CPNE4: variants seen among roughly 807,000 people sequenced by gnomAD.
CPNE4 encodes the protein copine 4, also known as copine-4.
Under a neutral mutation model 67.9 loss-of-function variants are expected in CPNE4, and 25 were observed. The observed-to-expected ratio is 0.37, with a 90% confidence interval of 0.27 to 0.51. The LOEUF is 0.51. Among genes scored for constraint, CPNE4 ranks in the 20% least tolerant of loss-of-function variants. The probability of loss-of-function intolerance (pLI) is 0.93; values close to 1 mark genes in which losing one functional copy is unlikely to be tolerated. For missense variants in CPNE4, 464 were observed against 690.8 expected, an observed-to-expected ratio of 0.67 and a Z score of 3.68; for synonymous variants, 242 against 244.9, an observed-to-expected ratio of 0.99 and a Z score of 0.11.
chr3:131,544,026 G>A (rs1290192481), intron 14 of CPNE4, among the ~76,000 whole-genome samples: 1 of 152,230 alleles, frequency 6.6e-6, no homozygotes, highest in Non-Finnish European at 1.5e-5. Flanking sequence ...CTGGGGCCTG[G>A]AGAAGGATGA....
chr3:131,852,486 C>A (rs2086277790), intron 2 of CPNE4, among the ~76,000 whole-genome samples: 1 of 151,902 alleles, frequency 6.6e-6, no homozygotes, highest in South Asian at 2.1e-4. Context: ...ATGTTAAAAC[C>A]TCTCAGAATA....
intron 10 of CPNE4, among the ~76,000 whole-genome samples, chr3:131,573,672 C>G (rs2107680022): frequency 6.6e-6 from 1 of 152,160 alleles, no homozygotes; most frequent in South Asian, 2.1e-4. Context: ...GAAACTATTT[C>G]CAGTAGCTCT....
intron 2 of CPNE4, among the ~76,000 whole-genome samples, chr3:131,785,497 G>A (rs1456462479): frequency 6.6e-6 from 1 of 152,000 alleles, no homozygotes; most frequent in Non-Finnish European, 1.5e-5. Context: ...AATCTCCAGA[G>A]CTGCTATTTC....
At chr3:131,629,046 A>C (rs1204594810) in intron 7 of CPNE4, among the ~76,000 whole-genome samples, 2 of 152,112 alleles carry the variant, frequency 1.3e-5, no homozygotes, top group Non-Finnish European at 2.9e-5. Flanking sequence ...TAGTGCTATA[A>C]ATTTCCCTCT....
At chr3:131,775,515 G>A (rs140970198) in intron 2 of CPNE4, among the ~76,000 whole-genome samples, 2,007 of 152,210 alleles carry the variant, frequency 0.013, 29 homozygotes, top group Non-Finnish European at 0.017. Flanking sequence ...GAGGGACACA[G>A]TGGGAGGTAA....
At chr3:131,792,646 T>TACATATATACACAC (rs1241049116) in intron 2 of CPNE4, among the ~76,000 whole-genome samples, 13 of 72,940 alleles carry the variant, frequency 1.8e-4, no homozygotes, top group African/African-American at 6.6e-4. Flanking sequence ...CGTGTATATA[T>TACATATATACACAC]GTATATATAC....
intron 1 of CPNE4, among the ~76,000 whole-genome samples, chr3:132,005,456 C>T (rs1255461894): frequency 6.6e-6 from 1 of 151,226 alleles, no homozygotes; most frequent in Non-Finnish European, 1.5e-5. Flanking sequence ...TCTACTAACA[C>T]ATCCTTTTTC....
At chr3:131,845,359 G>A (rs975087962) in intron 2 of CPNE4, among the ~76,000 whole-genome samples, 1 of 152,156 alleles carries the variant, frequency 6.6e-6, no homozygotes, top group African/African-American at 2.4e-5. Flanking sequence ...AAAGATAAAT[G>A]TTTTACCTGA....
chr3:131,641,534 A>T (rs917667550), intron 7 of CPNE4, among the ~76,000 whole-genome samples: 1 of 152,170 alleles, frequency 6.6e-6, no homozygotes, highest in Non-Finnish European at 1.5e-5. Context: ...TGTGGATGCA[A>T]TGAAAAGGGA....
chr3:131,776,693 G>A (rs992722780), intron 2 of CPNE4, among the ~76,000 whole-genome samples: 1 of 152,102 alleles, frequency 6.6e-6, no homozygotes, highest in African/African-American at 2.4e-5. Context: ...TCCAAAACCA[G>A]TATTTTCCCC....
chr3:131,771,708 T>C (rs760754661), intron 2 of CPNE4, among the ~76,000 whole-genome samples: 2 of 152,136 alleles, frequency 1.3e-5, no homozygotes, highest in African/African-American at 2.4e-5. Flanking sequence ...GCCTCAGGTA[T>C]TCCTTTATAG....
At chr3:131,839,963 T>C (rs1246646760) in intron 2 of CPNE4, among the ~76,000 whole-genome samples, 2 of 152,176 alleles carry the variant, frequency 1.3e-5, no homozygotes, top group Non-Finnish European at 2.9e-5. Context: ...CGAGGCAATG[T>C]CAGATGGATG....
chr3:131,869,064 T>C (rs1490060723), intron 2 of CPNE4, among the ~76,000 whole-genome samples: 2 of 152,146 alleles, frequency 1.3e-5, no homozygotes, highest in African/African-American at 2.4e-5. Context: ...AAGCCAAGAC[T>C]TCAAGGGGAA....
At chr3:131,581,248 T>C (rs1330091723) in intron 9 of CPNE4, among the ~76,000 whole-genome samples, 1 of 151,924 alleles carries the variant, frequency 6.6e-6, no homozygotes, top group Non-Finnish European at 1.5e-5. Flanking sequence ...GAAGGGCACA[T>C]AGTAGGTGTT....
At chr3:131,948,492 A>C (rs981742694) in intron 1 of CPNE4, among the ~76,000 whole-genome samples, 10 of 152,318 alleles carry the variant, frequency 6.6e-5, no homozygotes, top group African/African-American at 2.4e-4. Context: ...GTATTTCTTC[A>C]TAGCAGTGTG....
At chr3:132,035,191 G>T, upstream of CPNE4, 1 of 282,206 alleles carries the variant, frequency 3.5e-6, no homozygotes, top group Non-Finnish European at 5.4e-6. Flanking sequence ...TGGGCTTTCT[G>T]CTCAGCTTTG....
At chr3:131,586,751 TCTG>T (rs1485873359) in intron 8 of CPNE4, among the ~76,000 whole-genome samples, 4 of 152,176 alleles carry the variant, frequency 2.6e-5, no homozygotes, top group African/African-American at 9.6e-5. Context: ...TGTCTGTCTG[TCTG>T]TCTGTCTGTC....
chr3:131,988,714 A>C (rs1003969675), intron 1 of CPNE4, among the ~76,000 whole-genome samples: 1 of 152,234 alleles, frequency 6.6e-6, no homozygotes, highest in Admixed American at 6.5e-5. Flanking sequence ...TTACCAGAAT[A>C]ATCTCAATTT....
At chr3:132,021,487 T>C (rs1243745470) in intron 1 of CPNE4, among the ~76,000 whole-genome samples, 1 of 152,224 alleles carries the variant, frequency 6.6e-6, no homozygotes. Flanking sequence ...ACTTTTTCTA[T>C]CAGGAATCAG....
Sources: gnomAD v4.1 joint callset for allele counts (sites outside exome capture counted in the v4.1 genomes callset) on GRCh38, gnomAD v4.1.1 for gene constraint, MANE v1.5 for transcripts, NCBI Gene and HGNC (gene_info 2026-07-23, HGNC 2026-07-21) for gene names.